Variants in NETO2 observed in about 807,000 individuals in gnomAD.
NETO2 encodes the protein neuropilin and tolloid like 2, also known as neuropilin and tolloid-like protein 2.
Under a neutral mutation model 62.5 loss-of-function variants are expected in NETO2, and 28 were observed. That is an observed-to-expected ratio of 0.45 (90% CI 0.33 to 0.61). NETO2 has a LOEUF of 0.61. NETO2 is among the 20% of genes least tolerant of loss of function. The probability of loss-of-function intolerance (pLI) is 0.02; values close to 1 mark genes in which losing one functional copy is unlikely to be tolerated. For missense variants in NETO2, 548 were observed against 643.2 expected (o/e 0.85, Z 1.60); for synonymous variants, 214 against 219.1 (o/e 0.98, Z 0.21).
At position 47,082,622 on chromosome 16, in the gene NETO2, G is replaced by A. The variant is rs1275700093; in HGVS notation, c.*599C>T. ...AGTAATTAAAAGGCAGAAGTACAGA[G>A]ATTAGCCAAGAAGAAACAGATGGGT... On this transcript the variant is annotated 3_prime_UTR_variant, in exon 9 of 9. Coordinates refer to ENST00000562435, the MANE Select transcript of NETO2 (RefSeq NM_018092.5). 6.6e-6 allele frequency: 1 copy of A among 152,132 alleles called. No homozygotes were observed. Among genetic ancestry groups the A allele is most frequent in the Non-Finnish European group, 1.5e-5 (1 of 68,020 alleles). 9.4% of individuals were successfully genotyped at this position (152,132 alleles called of 1,614,324 possible).
intron 1 of NETO2, among the ~76,000 whole-genome samples, chr16:47,138,675 G>C (rs1429773002): frequency 6.6e-6 from 1 of 152,194 alleles, no homozygotes; most frequent in East Asian, 1.9e-4. Context: ...AGTCCCTATA[G>C]TGTATTATGT....
Position 47,109,420 on chromosome 16 carries a change from G to A in NETO2, c.883+63C>T, listed in dbSNP as rs1252728105. The A allele has an allele frequency of 7.0e-6, 8 of 1,142,006 alleles. No homozygotes were observed. The African/African-American group carries it at 9.2e-5, about 13-fold the overall frequency. 70.7% of individuals were successfully genotyped at this position (1,142,006 alleles called of 1,614,324 possible). A position where few individuals can be genotyped will look rare whatever the true frequency, so the allele number is the denominator to read the frequency against. Reference sequence around the variant, plus strand: ...AATATTTTAAAAAAGTAAATGCTGAGTGTACTGTGAATGAGTGAAAAATAT... The same window carrying A: ...AATATTTTAAAAAAGTAAATGCTGAATGTACTGTGAATGAGTGAAAAATAT... On this transcript the variant is annotated intron_variant, in intron 7 of 8. Transcript: ENST00000562435.
In NETO2 at chr16:47,129,080, T is replaced by C. The variant is rs570559247; in HGVS notation, c.232+144A>G. ...TAGTATCTTGTTAATGTATTCAATA[T>C]GCAGAAATACTTATCATTACTACAG... is the stretch of plus-strand genomic sequence containing the variant. On this transcript the variant is annotated intron_variant, in intron 3 of 8. Coordinates refer to ENST00000562435, the MANE Select transcript of NETO2 (RefSeq NM_018092.5). The C allele has an allele frequency of 4.7e-5, 37 of 784,010 alleles. No individual in the cohort carries two copies. The African/African-American group carries it at 5.4e-4, about 11-fold the overall frequency. The allele number at this position is 784,010 out of a possible 1,614,324, so 48.6% of individuals were successfully genotyped here.
chr16:47,125,349 G>GTT (rs1230159463), intron 4 of NETO2, among the ~76,000 whole-genome samples: 23 of 144,546 alleles, frequency 1.6e-4, no homozygotes, highest in African/African-American at 3.5e-4. Flanking sequence ...CTAGCTACTA[G>GTT]TTTTTTTTTT....
chr16:47,081,314 C>T lies in NETO2; in HGVS notation c.*1907G>A, dbSNP rs1179372930. Reference sequence around the variant, plus strand: ...TAAGTTACCTACTAAAATGCTTATTCAGCATAACTACTGAAAAAACTTAGC... The same window carrying T: ...TAAGTTACCTACTAAAATGCTTATTTAGCATAACTACTGAAAAAACTTAGC... On this transcript the variant is annotated 3_prime_UTR_variant, in exon 9 of 9. Transcript: ENST00000562435. The T allele has an allele frequency of 2.0e-5, 3 of 152,018 alleles. No homozygotes were observed. The highest frequency in any genetic ancestry group is 6.6e-5 in the Admixed American group (1 of 15,258). 9.4% of individuals were successfully genotyped at this position (152,018 alleles called of 1,614,324 possible). A position where few individuals can be genotyped will look rare whatever the true frequency, so the allele number is the denominator to read the frequency against.
At chr16:47,116,803 T>C (rs1185265288) in intron 6 of NETO2, among the ~76,000 whole-genome samples, 1 of 152,192 alleles carries the variant, frequency 6.6e-6, no homozygotes, top group Non-Finnish European at 1.5e-5. Context: ...CACAGGATGA[T>C]TTGGGTTGTG....
chr16:47,137,027 T>C (rs1189050067), intron 1 of NETO2, among the ~76,000 whole-genome samples: 1 of 152,138 alleles, frequency 6.6e-6, no homozygotes, highest in African/African-American at 2.4e-5. Context: ...CATACATATA[T>C]ACATGTACAG....
chr16:47,143,590 G>A lies in NETO2; in HGVS notation c.23C>T (p.Ser8Leu). 2 of 1,222,838 alleles carry A rather than the reference G, an allele frequency of 1.6e-6. No individual in the cohort carries two copies. Among genetic ancestry groups the A allele is most frequent in the Non-Finnish European group, 2.0e-6 (2 of 978,026 alleles). 75.7% of individuals were successfully genotyped at this position (1,222,838 alleles called of 1,614,324 possible). MALERLC[S>L]VLKVLLITVL... ...GCCCCGGTCCTTACCTTTGAGGACCGAGCAGAGCCGCTCCAGGGCCATGTT... is the reference window on the plus strand; with the variant it reads ...GCCCCGGTCCTTACCTTTGAGGACCAAGCAGAGCCGCTCCAGGGCCATGTT... The change falls in exon 1 of 9, where the codon TCG becomes TTG. Residue 8 changes from serine to leucine, a missense_variant. By Grantham distance (145) the Ser-to-Leu change is moderately radical. Coordinates refer to ENST00000562435, the MANE Select transcript of NETO2 (RefSeq NM_018092.5).
chr16:47,143,364 G>A (rs956050228), intron 1 of NETO2, among the ~76,000 whole-genome samples: 17 of 152,058 alleles, frequency 1.1e-4, no homozygotes, highest in African/African-American at 3.1e-4. Flanking sequence ...AACGTCGGCC[G>A]GACTCGCAGG....
At chr16:47,093,326 C>G (rs956685306) in intron 7 of NETO2, among the ~76,000 whole-genome samples, 13 of 152,130 alleles carry the variant, frequency 8.5e-5, no homozygotes, top group Non-Finnish European at 1.6e-4. Flanking sequence ...CAAAATATAT[C>G]TACTCTCAAG....
At chr16:47,131,415 T>G (rs1348799540) in intron 2 of NETO2, among the ~76,000 whole-genome samples, 1 of 152,166 alleles carries the variant, frequency 6.6e-6, no homozygotes, top group African/African-American at 2.4e-5. Context: ...TAGGGCAAGA[T>G]GGGGAACTCA....
chr16:47,114,024 C>G (rs1963856769), intron 6 of NETO2, among the ~76,000 whole-genome samples: 1 of 152,104 alleles, frequency 6.6e-6, no homozygotes, highest in African/African-American at 2.4e-5. Flanking sequence ...GGTACCCATC[C>G]AGAAGAGACG....
chr16:47,092,025 GTTTT>G (rs34629427), intron 7 of NETO2, among the ~76,000 whole-genome samples: 3 of 134,280 alleles, frequency 2.2e-5, no homozygotes, highest in East Asian at 4.2e-4. Flanking sequence ...AACTGTTTTG[GTTTT>G]TTTTTTTTTT....
At position 47,082,986 on chromosome 16, in the gene NETO2, G is replaced by T; in HGVS notation, c.*235C>A. On this transcript the variant is annotated 3_prime_UTR_variant, in exon 9 of 9. Coordinates refer to ENST00000562435, the MANE Select transcript of NETO2 (RefSeq NM_018092.5). The stretch of plus-strand genomic sequence containing the variant: ...TTAACTGGCAGTGCTTCCTATAAAT[G>T]ACACCAAGCAATAGAGATGATTATT... 2.4e-6 allele frequency: 1 copy of T among 422,894 alleles called. No individual in the cohort carries two copies. The highest frequency in any genetic ancestry group is 3.9e-5 in the Admixed American group (1 of 25,448). 26.2% of individuals were successfully genotyped at this position (422,894 alleles called of 1,614,324 possible).
At chr16:47,143,316 C>A (rs575299039) in intron 1 of NETO2, among the ~76,000 whole-genome samples, 5 of 152,038 alleles carry the variant, frequency 3.3e-5, no homozygotes, top group African/African-American at 1.2e-4. Flanking sequence ...TCCTGGCCGC[C>A]TTCCCGACCC....
intron 7 of NETO2, among the ~76,000 whole-genome samples, chr16:47,105,083 C>A (rs1416503461): frequency 6.6e-6 from 1 of 151,102 alleles, no homozygotes; most frequent in Non-Finnish European, 1.5e-5. Flanking sequence ...CTATGTTGAC[C>A]AGGCTGGTCT....
At chr16:47,110,807 C>A (rs1375798938) in intron 6 of NETO2, among the ~76,000 whole-genome samples, 1 of 151,362 alleles carries the variant, frequency 6.6e-6, no homozygotes, top group Non-Finnish European at 1.5e-5. Flanking sequence ...CATATATTCC[C>A]CCCCCACCCC....
chr16:47,112,379 G>C (rs1282285171), intron 6 of NETO2, among the ~76,000 whole-genome samples: 2 of 151,860 alleles, frequency 1.3e-5, no homozygotes, highest in African/African-American at 4.8e-5. Context: ...TCTTTTTTTA[G>C]ACAGAATCTC....
At chr16:47,087,460 G>T (rs960703391) in intron 7 of NETO2, among the ~76,000 whole-genome samples, 5 of 152,186 alleles carry the variant, frequency 3.3e-5, no homozygotes, top group Admixed American at 3.3e-4. Flanking sequence ...GAATGGGGAG[G>T]TGATGTTTAA....
Sources: allele counts gnomAD v4.1 joint callset (sites outside exome capture counted in the v4.1 genomes callset), GRCh38; gene constraint gnomAD v4.1.1; transcripts MANE v1.5; gene names NCBI Gene and HGNC (gene_info 2026-07-23, HGNC 2026-07-21).